The following LRRTM4 variants were observed in gnomAD, a reference collection of about 807,000 sequenced individuals.
The protein encoded by LRRTM4 is leucine rich repeat transmembrane neuronal 4.
Under a neutral mutation model 47.6 loss-of-function variants are expected in LRRTM4, and 25 were observed. The ratio of observed to expected loss-of-function variants is 0.53; its 90% CI spans 0.38 to 0.73. LRRTM4 has a LOEUF of 0.73. LRRTM4 is among the 30% of genes least tolerant of loss of function. The probability of loss-of-function intolerance (pLI) is 0.00; values close to 1 mark genes in which losing one functional copy is unlikely to be tolerated. For synonymous variants in LRRTM4, 311 were observed against 269.5 expected (o/e 1.15, Z -1.51); for missense variants, 638 against 713.4 (o/e 0.89, Z 1.20).
At chr2:76,844,037 A>C (rs367982578) in intron 3 of LRRTM4, among the ~76,000 whole-genome samples, 1 of 146,682 alleles carries the variant, frequency 6.8e-6, no homozygotes, top group Non-Finnish European at 1.5e-5. Context: ...GATTAGCTGG[A>C]ACTACAGGCG....
chr2:77,439,786 C>A (rs759204209), intron 3 of LRRTM4, among the ~76,000 whole-genome samples: 1 of 152,010 alleles, frequency 6.6e-6, no homozygotes, highest in South Asian at 2.1e-4. Context: ...CAGTATTGTG[C>A]CATTTTTCAT....
At chr2:77,353,131 A>G (rs1671845242) in intron 3 of LRRTM4, among the ~76,000 whole-genome samples, 1 of 152,134 alleles carries the variant, frequency 6.6e-6, no homozygotes, top group Admixed American at 6.5e-5. Flanking sequence ...AGATGTAGTA[A>G]TATTAGAAAA....
intron 3 of LRRTM4, among the ~76,000 whole-genome samples, chr2:77,431,945 G>A (rs996466873): frequency 1.8e-4 from 27 of 151,924 alleles, no homozygotes; most frequent in African/African-American, 5.8e-4. Context: ...ATGGTGGCAT[G>A]TGCCTGTAGT....
In LRRTM4 at chr2:77,481,880, CTTT is replaced by C. The variant is rs57122011; in HGVS notation, c.1551+36435_1551+36437del. Among the ~76,000 whole-genome samples, 1,281 of 144,212 alleles carry C rather than the reference CTTT, an allele frequency of 8.9e-3. 14 individuals are homozygous for C. The highest frequency in any genetic ancestry group is 0.021 in the African/African-American group (823 of 39,244). The allele number at this position is 144,212 out of a possible 152,430, so 94.6% of individuals were successfully genotyped here. On this transcript the variant is annotated intron_variant, in intron 3 of 3. Transcript: ENST00000409884. ...AAGAGAGTGAAGGGTTTTTTTTTTT[CTTT>C]TTTTTTTTTTAAAACTTCTAGTTAT...
intron 3 of LRRTM4, among the ~76,000 whole-genome samples, chr2:77,063,615 G>C (rs1679863485): frequency 6.6e-6 from 1 of 152,010 alleles, no homozygotes; most frequent in Admixed American, 6.5e-5. Flanking sequence ...TTGCACATAA[G>C]AGGAAAATGT....
intron 3 of LRRTM4, among the ~76,000 whole-genome samples, chr2:76,956,772 G>A (rs1177177525): frequency 6.7e-6 from 1 of 150,028 alleles, no homozygotes; most frequent in Admixed American, 6.7e-5. Context: ...TTACAAATAA[G>A]GCCACAAAAG....
chr2:76,788,261 G>C (rs1225558206), intron 3 of LRRTM4, among the ~76,000 whole-genome samples: 1 of 152,168 alleles, frequency 6.6e-6, no homozygotes, highest in Non-Finnish European at 1.5e-5. Flanking sequence ...CTATGCCTTA[G>C]CGGTTGAGAG....
chr2:76,853,414 T>G (rs1672056349), intron 3 of LRRTM4, among the ~76,000 whole-genome samples: 1 of 152,124 alleles, frequency 6.6e-6, no homozygotes, highest in Non-Finnish European at 1.5e-5. Context: ...TGAGAGCACC[T>G]GCCACCATCT....
chr2:77,016,398 A>AAG (rs1678070961), intron 3 of LRRTM4, among the ~76,000 whole-genome samples: 1 of 151,648 alleles, frequency 6.6e-6, no homozygotes, highest in Admixed American at 6.6e-5. Context: ...AAAAAAAAAA[A>AAG]AAGAGTGAGG....
intron 3 of LRRTM4, among the ~76,000 whole-genome samples, chr2:77,469,941 A>C (rs4426553): frequency 0.065 from 9,884 of 152,218 alleles, 475 homozygotes; most frequent in Admixed American, 0.17. Flanking sequence ...ATTTAAACAA[A>C]GACTTTTTAT....
intron 3 of LRRTM4, among the ~76,000 whole-genome samples, chr2:77,489,868 T>C (rs535573857): frequency 1.3e-5 from 2 of 152,204 alleles, no homozygotes; most frequent in African/African-American, 4.8e-5. Context: ...TTGGGTTCAG[T>C]CTTGCTAACT....
intron 3 of LRRTM4, among the ~76,000 whole-genome samples, chr2:77,122,536 A>G (rs1262786126): frequency 6.6e-6 from 1 of 150,680 alleles, no homozygotes; most frequent in East Asian, 1.9e-4. Context: ...TACACAATAG[A>G]TATACACACA....
chr2:76,906,250 T>C (rs1301387036), intron 3 of LRRTM4, among the ~76,000 whole-genome samples: 2 of 151,896 alleles, frequency 1.3e-5, no homozygotes. Context: ...CAAACTAAGC[T>C]TCATAAGTGA....
intron 3 of LRRTM4, among the ~76,000 whole-genome samples, chr2:76,988,504 T>A (rs1573410012): frequency 6.6e-6 from 1 of 151,954 alleles, no homozygotes; most frequent in East Asian, 1.9e-4. Flanking sequence ...TCCCTTATGC[T>A]ATGGACATCA....
chr2:77,217,177 C>A (rs1462317736), intron 3 of LRRTM4, among the ~76,000 whole-genome samples: 2 of 150,592 alleles, frequency 1.3e-5, no homozygotes, highest in Non-Finnish European at 3.0e-5. Context: ...CTTAAAAATT[C>A]TTCAGGTAAC....
At chr2:77,442,292 A>AAG (rs1187788982) in intron 3 of LRRTM4, among the ~76,000 whole-genome samples, 2 of 152,194 alleles carry the variant, frequency 1.3e-5, no homozygotes, top group African/African-American at 4.8e-5. Flanking sequence ...TCAAACCAAC[A>AAG]AGAAAGCATC....
intron 3 of LRRTM4, among the ~76,000 whole-genome samples, chr2:77,464,860 T>G (rs1036548381): frequency 5.3e-5 from 8 of 152,168 alleles, no homozygotes; most frequent in Non-Finnish European, 1.0e-4. Context: ...TCAGCATTGT[T>G]TAACAAGCTA....
chr2:77,010,528 A>ACACACC lies in LRRTM4; in HGVS notation c.1552-261613_1552-261612insGGTGTG, dbSNP rs1352996760. On this transcript the variant is annotated intron_variant, in intron 3 of 3. Coordinates refer to ENST00000409884, the MANE Select transcript of LRRTM4 (RefSeq NM_001134745.3). ...CACACACACACACACACACACACAC[A>ACACACC]CACACACACACACACACAGTCTTTA... Among the ~76,000 whole-genome samples, 4 of 151,444 alleles carry ACACACC rather than the reference A, an allele frequency of 2.6e-5. No individual in the cohort carries two copies. In the East Asian group the frequency reaches 7.8e-4, roughly 30 times the overall value.
intron 3 of LRRTM4, among the ~76,000 whole-genome samples, chr2:77,111,611 T>C (rs181623175): frequency 2.0e-5 from 3 of 152,258 alleles, no homozygotes; most frequent in Admixed American, 6.5e-5. Flanking sequence ...TCCTACTTGG[T>C]CCTTAAGATT....
Sources: gnomAD v4.1 joint callset for allele counts (sites outside exome capture counted in the v4.1 genomes callset) on GRCh38, gnomAD v4.1.1 for gene constraint, MANE v1.5 for transcripts, NCBI Gene and HGNC (gene_info 2026-07-23, HGNC 2026-07-21) for gene names.